The following KIAA1217 variants were observed in gnomAD, a reference collection of about 807,000 sequenced individuals.
The protein encoded by KIAA1217 is sickle tail protein homolog.
Under a neutral mutation model 163.9 loss-of-function variants are expected in KIAA1217, and 88 were observed. The observed-to-expected ratio is 0.54, with a 90% CI of 0.45 to 0.64. The LOEUF (loss-of-function observed/expected upper bound fraction) is 0.64, where lower values mean the gene tolerates loss of function less well. KIAA1217 is among the 30% of genes least tolerant of loss of function. The probability of loss-of-function intolerance (pLI) is 0.00; values close to 1 mark genes in which losing one functional copy is unlikely to be tolerated. For synonymous variants in KIAA1217, 903 were observed against 923.1 expected, an observed-to-expected ratio of 0.98 and a Z score of 0.39; for missense variants, 2,372 against 2,475.0, an observed-to-expected ratio of 0.96 and a Z score of 0.88.
intron 2 of KIAA1217, among the ~76,000 whole-genome samples, chr10:24,076,317 G>A (rs1381051074): frequency 2.6e-5 from 4 of 152,214 alleles, no homozygotes; most frequent in Admixed American, 1.3e-4. Flanking sequence ...ATACAGAGTG[G>A]AGAGAGGCGC....
intron 2 of KIAA1217, among the ~76,000 whole-genome samples, chr10:24,280,946 T>C (rs1002010491): frequency 6.6e-6 from 1 of 152,170 alleles, no homozygotes; most frequent in African/African-American, 2.4e-5. Context: ...TATCAACACA[T>C]GTGAAGGTCA....
At chr10:24,101,476 C>A (rs2062413379) in intron 2 of KIAA1217, among the ~76,000 whole-genome samples, 1 of 152,036 alleles carries the variant, frequency 6.6e-6, no homozygotes, top group Non-Finnish European at 1.5e-5. Flanking sequence ...TATGACAGCC[C>A]TGGTGGACGC....
intron 1 of KIAA1217, among the ~76,000 whole-genome samples, chr10:23,697,501 TCCCCCTCCA>T (rs1461919070): frequency 6.6e-6 from 1 of 151,818 alleles, no homozygotes; most frequent in Non-Finnish European, 1.5e-5. Flanking sequence ...AAGGATTCCA[TCCCCCTCCA>T]CCCCCTGCCA....
At chr10:23,702,305 G>A (rs1459161863) in intron 1 of KIAA1217, among the ~76,000 whole-genome samples, 2 of 152,126 alleles carry the variant, frequency 1.3e-5, no homozygotes, top group African/African-American at 4.8e-5. Flanking sequence ...ATGAGACAAT[G>A]AAATGAAAGA....
At chr10:23,762,318 A>G (rs900250103) in intron 1 of KIAA1217, among the ~76,000 whole-genome samples, 5 of 152,084 alleles carry the variant, frequency 3.3e-5, no homozygotes, top group African/African-American at 9.7e-5. Flanking sequence ...CACAACAAAA[A>G]AAAAAAAGAA....
intron 3 of KIAA1217, among the ~76,000 whole-genome samples, chr10:24,390,945 T>C (rs796386718): frequency 3.9e-5 from 6 of 152,288 alleles, no homozygotes; most frequent in Admixed American, 2.0e-4. Flanking sequence ...TAAAAGATCA[T>C]GTGGATTCAT....
chr10:23,843,176 T>G (rs529710172), intron 1 of KIAA1217, among the ~76,000 whole-genome samples: 32 of 152,320 alleles, frequency 2.1e-4, no homozygotes, highest in African/African-American at 7.7e-4. Context: ...ATGTAAAATT[T>G]GTATTATATG....
chr10:24,417,258 G>A (rs2058329370), intron 3 of KIAA1217, among the ~76,000 whole-genome samples: 2 of 152,184 alleles, frequency 1.3e-5, no homozygotes, highest in Non-Finnish European at 2.9e-5. Flanking sequence ...CTGCCCAGAA[G>A]AGGAACAGCT....
At chr10:24,065,999 A>G (rs1054441537) in intron 2 of KIAA1217, among the ~76,000 whole-genome samples, 3 of 151,946 alleles carry the variant, frequency 2.0e-5, no homozygotes, top group Admixed American at 2.0e-4. Flanking sequence ...TGCTTGGTAG[A>G]TCTTCCTCCC....
rs151143721 is a variant in KIAA1217 at position 23,857,871 on chromosome 10, T to C, written c.-320-149354T>C. On this transcript the variant is annotated intron_variant, in intron 1 of 18. Coordinates refer to the KIAA1217 transcript ENST00000376462. Reference sequence around the variant, plus strand: ...GAGGAAACTATAGATATGGTTGAAATTCCTTCTAATTTAATAGTTAGAAAC... The same window carrying C: ...GAGGAAACTATAGATATGGTTGAAACTCCTTCTAATTTAATAGTTAGAAAC... Among the ~76,000 whole-genome samples, 179 of 152,142 alleles carry C rather than the reference T, an allele frequency of 1.2e-3. 1 individual carries two copies. Among genetic ancestry groups the C allele is most frequent in the African/African-American group, 4.1e-3 (170 of 41,504 alleles).
At chr10:24,283,291 G>C (rs1356202862) in intron 2 of KIAA1217, among the ~76,000 whole-genome samples, 1 of 152,110 alleles carries the variant, frequency 6.6e-6, no homozygotes, top group African/African-American at 2.4e-5. Flanking sequence ...CCTTTTCAGA[G>C]TGGCTTCTTC....
chr10:24,281,055 G>A (rs2077865713), intron 2 of KIAA1217, among the ~76,000 whole-genome samples: 1 of 152,174 alleles, frequency 6.6e-6, no homozygotes, highest in South Asian at 2.1e-4. Context: ...AGAAAATAAT[G>A]TAATTTTTAA....
intron 1 of KIAA1217, among the ~76,000 whole-genome samples, chr10:23,709,214 G>A (rs1459901213): frequency 6.6e-6 from 1 of 152,128 alleles, no homozygotes; most frequent in African/African-American, 2.4e-5. Context: ...AGTAGTGGAG[G>A]AAAATTCTCC....
intron 2 of KIAA1217, among the ~76,000 whole-genome samples, chr10:24,241,629 C>T (rs1183943822): frequency 1.3e-5 from 2 of 152,108 alleles, no homozygotes; most frequent in South Asian, 4.1e-4. Context: ...GCCTAGGAGT[C>T]GAATATACTG....
At chr10:24,390,486 A>AAGGAAGGC (rs1160454725) in intron 3 of KIAA1217, among the ~76,000 whole-genome samples, 2,733 of 137,074 alleles carry the variant, frequency 0.02, 187 homozygotes, top group East Asian at 0.084. Context: ...GGAAGGAAGG[A>AAGGAAGGC]AGGAAGGAAG....
chr10:23,810,971 T>TATTATATAA (rs1837009496), intron 1 of KIAA1217, among the ~76,000 whole-genome samples: 1 of 118,718 alleles, frequency 8.4e-6, no homozygotes, highest in Non-Finnish European at 1.6e-5. Context: ...ATAGTATATA[T>TATTATATAA]TATATACTAT....
At chr10:24,070,061 A>T (rs2061125766) in intron 2 of KIAA1217, among the ~76,000 whole-genome samples, 1 of 152,140 alleles carries the variant, frequency 6.6e-6, no homozygotes. Flanking sequence ...ACTTGTCTCA[A>T]ACTCCTGGCC....
intron 1 of KIAA1217, among the ~76,000 whole-genome samples, chr10:23,748,435 C>CTT (rs895678740): frequency 2.1e-5 from 3 of 139,872 alleles, no homozygotes; most frequent in Admixed American, 1.5e-4. Context: ...CCAAGAAATG[C>CTT]TTCTGGAAGG....
chr10:24,484,241 A>ATATATATATTTTTTTTTTTTTTT (rs1376083298), intron 6 of KIAA1217, among the ~76,000 whole-genome samples: 8 of 75,152 alleles, frequency 1.1e-4, no homozygotes, highest in East Asian at 4.6e-4. Context: ...ATATATATAT[A>ATATATATATTTTTTTTTTTTTTT]TTTTTTTTTT....
Sources: gnomAD v4.1 joint callset for allele counts (sites outside exome capture counted in the v4.1 genomes callset) on GRCh38, gnomAD v4.1.1 for gene constraint, MANE v1.5 for transcripts, NCBI Gene and HGNC (gene_info 2026-07-23, HGNC 2026-07-21) for gene names.